The following APP variants were observed in gnomAD, a reference collection of about 807,000 sequenced individuals.
The protein encoded by APP is amyloid-beta precursor protein.
A neutral mutation model predicts 101.4 loss-of-function variants in APP; 31 were observed. That is an observed-to-expected ratio of 0.31 (90% CI 0.23 to 0.41). The LOEUF (loss-of-function observed/expected upper bound fraction) is 0.41. APP is among the 10% of genes least tolerant of loss of function. APP has a pLI of 1.00. For missense variants in APP, 839 were observed against 1,003.7 expected (o/e 0.84, Z 2.22); for synonymous variants, 366 against 364.4 (o/e 1.00, Z -0.05).
chr21:26,097,527 T>A (rs2061969922), intron 2 of APP, among the ~76,000 whole-genome samples: 1 of 148,008 alleles, frequency 6.8e-6, no homozygotes, highest in Admixed American at 6.9e-5. Context: ...GGAAAGTAAG[T>A]ATCTCAATGC....
chr21:26,029,214 G>A (rs757383714), intron 5 of APP, among the ~76,000 whole-genome samples: 6 of 152,146 alleles, frequency 3.9e-5, no homozygotes, highest in East Asian at 1.9e-4. Flanking sequence ...CAACTGGAAC[G>A]ACTCAATGAG....
intron 11 of APP, among the ~76,000 whole-genome samples, chr21:25,958,493 G>T (rs1053361231): frequency 6.6e-6 from 1 of 152,078 alleles, no homozygotes; most frequent in Non-Finnish European, 1.5e-5. Context: ...TAGCCAGGAT[G>T]GTCTCCATCT....
intron 8 of APP, among the ~76,000 whole-genome samples, chr21:25,984,286 CAAAAG>C (rs1489987592): frequency 1.3e-5 from 2 of 151,598 alleles, no homozygotes; most frequent in African/African-American, 4.8e-5. Flanking sequence ...GAAAAAGAAA[CAAAAG>C]AAAATACAAA....
At chr21:25,950,959 A>G (rs1173179251) in intron 13 of APP, among the ~76,000 whole-genome samples, 1 of 152,242 alleles carries the variant, frequency 6.6e-6, no homozygotes, top group African/African-American at 2.4e-5. Flanking sequence ...CCAGAAGGAC[A>G]TGAGTGTTAT....
At chr21:25,915,283 T>C (rs1328806999) in intron 13 of APP, among the ~76,000 whole-genome samples, 1 of 152,226 alleles carries the variant, frequency 6.6e-6, no homozygotes, top group African/African-American at 2.4e-5. Context: ...ATCTACGTTA[T>C]TTGAACTCTT....
chr21:26,072,121 G>A (rs558404417), intron 3 of APP, among the ~76,000 whole-genome samples: 79 of 152,258 alleles, frequency 5.2e-4, no homozygotes, highest in African/African-American at 1.9e-3. Context: ...AACAGCTAAT[G>A]GGTTAAAAAG....
chr21:25,883,444 C>A (rs11701219), intron 17 of APP, among the ~76,000 whole-genome samples: 17,315 of 151,576 alleles, frequency 0.11, 976 homozygotes, highest in Middle Eastern at 0.14. Flanking sequence ...AAATCCCAGC[C>A]CTTTTGGGAG....
intron 11 of APP, among the ~76,000 whole-genome samples, chr21:25,957,359 TA>T (rs11396713): frequency 3.0e-3 from 454 of 151,380 alleles, no homozygotes; most frequent in African/African-American, 0.011. Flanking sequence ...ACATGTGAAT[TA>T]AAAAAAAAGA....
chr21:25,898,869 C>T (rs1268329623), intron 15 of APP, among the ~76,000 whole-genome samples: 1 of 152,188 alleles, frequency 6.6e-6, no homozygotes, highest in Non-Finnish European at 1.5e-5. Flanking sequence ...ATCACTCTTT[C>T]AATCTTGTCT....
intron 16 of APP, among the ~76,000 whole-genome samples, chr21:25,895,930 T>C (rs571895727): frequency 3.9e-4 from 60 of 152,206 alleles, no homozygotes; most frequent in Non-Finnish European, 7.5e-4. Flanking sequence ...ACTAGTCCAG[T>C]AGAGGGAGCT....
intron 1 of APP, among the ~76,000 whole-genome samples, chr21:26,127,779 TTA>T (rs1369908037): frequency 6.6e-6 from 1 of 152,228 alleles, no homozygotes; most frequent in African/African-American, 2.4e-5. Flanking sequence ...TCACAGGATA[TTA>T]TGAGGATTAA....
chr21:26,099,642 A>G (rs1386660003), intron 2 of APP, among the ~76,000 whole-genome samples: 1 of 152,258 alleles, frequency 6.6e-6, no homozygotes, highest in African/African-American at 2.4e-5. Flanking sequence ...CTGGAATACA[A>G]AGAAATATCA....
At chr21:25,965,955 A>G (rs575039454) in intron 11 of APP, among the ~76,000 whole-genome samples, 1 of 152,284 alleles carries the variant, frequency 6.6e-6, no homozygotes, top group East Asian at 1.9e-4. Flanking sequence ...GTGAAGACCT[A>G]TTTGCATTCT....
At chr21:25,962,974 C>T (rs897749238) in intron 11 of APP, among the ~76,000 whole-genome samples, 2 of 152,010 alleles carry the variant, frequency 1.3e-5, no homozygotes, top group Non-Finnish European at 2.9e-5. Flanking sequence ...ACCCTCACAC[C>T]GACCTAATTT....
At chr21:26,170,493 G>C (rs2063723031) in intron 1 of APP, 71 bp downstream of exon 1, 2 of 1,478,410 alleles carry the variant, frequency 1.4e-6, no homozygotes, top group Non-Finnish European at 9.1e-7. Flanking sequence ...TAAAGACTTG[G>C]GTTAAGGTCT....
intron 13 of APP, among the ~76,000 whole-genome samples, chr21:25,932,311 C>T (rs1225055504): frequency 6.6e-6 from 1 of 151,846 alleles, no homozygotes; most frequent in Non-Finnish European, 1.5e-5. Context: ...TAGATACGTA[C>T]TCCATGCAGA....
intron 2 of APP, among the ~76,000 whole-genome samples, chr21:26,103,476 T>G (rs1286714503): frequency 0.091 from 2 of 22 alleles, no homozygotes; most frequent in African/African-American, 0.25. Context: ...GGCGTGCACC[T>G]TGTAATCCCA....
chr21:25,946,966 A>C (rs1569091646), intron 13 of APP, among the ~76,000 whole-genome samples: 1 of 152,218 alleles, frequency 6.6e-6, no homozygotes, highest in Non-Finnish European at 1.5e-5. Context: ...TTTTTTAAAA[A>C]AGGAAACTTT....
intron 16 of APP, among the ~76,000 whole-genome samples, chr21:25,895,388 C>T (rs1313579108): frequency 1.3e-5 from 2 of 152,012 alleles, no homozygotes; most frequent in Admixed American, 6.6e-5. Flanking sequence ...ATGCTCTCGA[C>T]CTCCTGACCT....
Sources: allele counts gnomAD v4.1 joint callset (sites outside exome capture counted in the v4.1 genomes callset), GRCh38; gene constraint gnomAD v4.1.1; transcripts MANE v1.5; gene names NCBI Gene and HGNC (gene_info 2026-07-23, HGNC 2026-07-21).